The following SLC2A14 variants were observed in gnomAD, a reference collection of about 807,000 sequenced individuals.
SLC2A14 encodes the protein solute carrier family 2, facilitated glucose transporter member 14.
In SLC2A14, 13 loss-of-function variants were observed where a neutral mutation model predicts 43.0. The ratio of observed to expected loss-of-function variants is 0.30; its 90% CI spans 0.20 to 0.48. The LOEUF (loss-of-function observed/expected upper bound fraction) is 0.48, where lower values mean the gene tolerates loss of function less well. Among genes scored for constraint, SLC2A14 ranks in the 20% least tolerant of loss-of-function variants. SLC2A14 has a pLI of 0.99. For synonymous variants in SLC2A14, 190 were observed against 233.8 expected (o/e 0.81, Z 1.71); for missense variants, 428 against 620.4 (o/e 0.69, Z 3.29).
intron 2 of SLC2A14, among the ~76,000 whole-genome samples, chr12:7,858,300 A>G (rs1267381494): frequency 6.6e-6 from 1 of 152,004 alleles, no homozygotes; most frequent in Non-Finnish European, 1.5e-5. Context: ...TTACTCAACC[A>G]CTCAACATCT....
intron 2 of SLC2A14, among the ~76,000 whole-genome samples, chr12:7,833,187 T>A (rs1865174655): frequency 6.6e-6 from 1 of 152,190 alleles, no homozygotes; most frequent in Admixed American, 6.5e-5. Flanking sequence ...GTAGGATTAC[T>A]AAGAATTGAT....
chr12:7,823,074 G>GGCACT (rs1402684471), intron 7 of SLC2A14, among the ~76,000 whole-genome samples: 1 of 152,088 alleles, frequency 6.6e-6, no homozygotes, highest in Non-Finnish European at 1.5e-5. Context: ...TTATTTACTA[G>GGCACT]GCACTGCGCT....
Position 7,884,544 on chromosome 12 carries a change from C to T in SLC2A14, c.132+6452G>A, listed in dbSNP as rs191337126. Among the ~76,000 whole-genome samples, 313 of 152,192 alleles carry T rather than the reference C, an allele frequency of 2.1e-3. 3 individuals carry two copies. Among genetic ancestry groups the T allele is most frequent in the Middle Eastern group, 6.8e-3 (2 of 292 alleles). On this transcript the variant is annotated intron_variant, in intron 1 of 9. Transcript: ENST00000539924. ...TCACTATTTGGTTGCTGTATTATTA[C>T]GGTCAACAGCTTCATTTTATCCCAC...
chr12:7,865,993 G>T (rs1944885363), intron 2 of SLC2A14, among the ~76,000 whole-genome samples: 1 of 152,030 alleles, frequency 6.6e-6, no homozygotes, highest in Middle Eastern at 3.2e-3. Flanking sequence ...GAGGCGGGTG[G>T]ATCATCTGAG....
intron 10 of SLC2A14, among the ~76,000 whole-genome samples, chr12:7,815,503 C>G (rs1171710961): frequency 6.6e-6 from 1 of 152,156 alleles, no homozygotes; most frequent in Non-Finnish European, 1.5e-5. Flanking sequence ...TGTTGAAAAT[C>G]TGGTTTATAG....
chr12:7,831,373 A>G, intron 4 of SLC2A14: 1 of 545,158 alleles, frequency 1.8e-6, no homozygotes, highest in Non-Finnish European at 3.2e-6. Flanking sequence ...TGGACTGCAA[A>G]GGCCAATCAC....
At chr12:7,872,737 G>C (rs879660756) in intron 1 of SLC2A14, 70 bp downstream of exon 1, 41 of 980,284 alleles carry the variant, frequency 4.2e-5, no homozygotes, top group Non-Finnish European at 4.8e-5. Flanking sequence ...CTCTAGCTCG[G>C]CCACCTCTAC....
chr12:7,857,436 A>T (rs996729821), intron 2 of SLC2A14, among the ~76,000 whole-genome samples: 1 of 152,014 alleles, frequency 6.6e-6, no homozygotes, highest in East Asian at 1.9e-4. Context: ...TAAAAATACA[A>T]AATTACCCGA....
intron 1 of SLC2A14, 125 bp from the exon 2 acceptor site, chr12:7,870,062 A>C (rs1175140956): frequency 1.9e-6 from 1 of 527,542 alleles, no homozygotes; most frequent in African/African-American, 1.9e-5. Context: ...GAAAAGTGAA[A>C]ATTTATATAA....
intron 2 of SLC2A14, among the ~76,000 whole-genome samples, chr12:7,836,713 G>A (rs1220690283): frequency 2.6e-5 from 4 of 152,196 alleles, no homozygotes; most frequent in African/African-American, 9.6e-5. Context: ...GCACACGCCT[G>A]TAATCCCAGC....
Position 7,821,196 on chromosome 12 carries a change from A to C in SLC2A14, c.969+25T>G, listed in dbSNP as rs752938795. ...GTAGCAAGGATTCATTTCTCCCCCC[A>C]AAATTATCAAACCATCCAACTTACA... On this transcript the variant is annotated intron_variant, in intron 8 of 10. Transcript: ENST00000431042. The C allele has an allele frequency of 1.1e-5, 17 of 1,585,552 alleles. No homozygotes were observed. In the African/African-American group the frequency reaches 1.7e-4, roughly 16 times the overall value.
chr12:7,821,268 C>T lies in SLC2A14; in HGVS notation c.922G>A (p.Ala308Thr). ...KDAGVQQPIYATISAGVVNTI... is the reference protein window; with the variant it reads ...KDAGVQQPIYTTISAGVVNTI... The stretch of plus-strand genomic sequence containing the variant: ...TTAACCACACCCGCGCTGATGGTGG[C>T]ATAGATGGGCTGTTGAACACCTGCA... Residue 308 changes from alanine to threonine, a missense_variant, in exon 8 of 11, where the codon GCC becomes ACC. This residue lies in a region of SLC2A14 where 185 missense variants were observed against 275.4 expected (regional missense o/e 0.67). Transcript: ENST00000431042. 1 of 1,613,938 alleles carries T rather than the reference C, an allele frequency of 6.2e-7. No individual in the cohort carries two copies. The highest frequency in any genetic ancestry group is 8.5e-7 in the Non-Finnish European group (1 of 1,179,926).
intron 10 of SLC2A14, among the ~76,000 whole-genome samples, chr12:7,815,178 AG>A (rs1330855443): frequency 6.6e-6 from 1 of 151,188 alleles, no homozygotes; most frequent in African/African-American, 2.4e-5. Flanking sequence ...TTAGAGGCTG[AG>A]GCAGGTGGAT....
chr12:7,878,534 C>T (rs1945504143), intron 1 of SLC2A14, among the ~76,000 whole-genome samples: 1 of 151,824 alleles, frequency 6.6e-6, no homozygotes, highest in Non-Finnish European at 1.5e-5. Flanking sequence ...GCTGGGATTA[C>T]AGGCATGAGC....
chr12:7,874,585 T>C (rs1012120289), upstream of SLC2A14, among the ~76,000 whole-genome samples: 6 of 150,652 alleles, frequency 4.0e-5, no homozygotes, highest in African/African-American at 1.5e-4. Flanking sequence ...GGCAGGAAAA[T>C]TGCTTGAACC....
intron 2 of SLC2A14, among the ~76,000 whole-genome samples, chr12:7,843,042 A>G (rs1246698010): frequency 2.0e-5 from 3 of 152,032 alleles, no homozygotes; most frequent in African/African-American, 7.2e-5. Flanking sequence ...AAATGTTTTA[A>G]TATAGGCATG....
rs1945213798 is a variant in SLC2A14, at chr12:7,871,217, A to G, written c.-57-1280T>C. 10 of 1,250,320 alleles carry G rather than the reference A, an allele frequency of 8.0e-6. 1 individual carries two copies. In the South Asian group the frequency reaches 1.6e-4, roughly 20 times the overall value. 77.5% of individuals were successfully genotyped at this position (1,250,320 alleles called of 1,614,324 possible). A position where few individuals can be genotyped will look rare whatever the true frequency, so the allele number is the denominator to read the frequency against. Reference sequence around the variant, plus strand: ...GAATCCTCAGGTTTCATTCATGAGGACCACCTCCAGGAGCTGCTCACCACC... The same window carrying G: ...GAATCCTCAGGTTTCATTCATGAGGGCCACCTCCAGGAGCTGCTCACCACC... On this transcript the variant is annotated intron_variant, in intron 1 of 10. Coordinates refer to ENST00000431042, the MANE Select transcript of SLC2A14 (RefSeq NM_001286234.2).
chr12:7,821,412 G>A, intron 7 of SLC2A14, 87 bp from the exon 8 acceptor site: 2 of 1,200,884 alleles, frequency 1.7e-6, no homozygotes, highest in Non-Finnish European at 2.4e-6. Context: ...GCTGAGCGTG[G>A]TTGCACAGGC....
At chr12:7,879,316 A>AAACC (rs1945524066) in intron 1 of SLC2A14, among the ~76,000 whole-genome samples, 4 of 110,030 alleles carry the variant, frequency 3.6e-5, no homozygotes, top group East Asian at 3.0e-4. Flanking sequence ...TCTGCAAAAA[A>AAACC]AAACAAACAA....
Sources: allele counts gnomAD v4.1 joint callset (sites outside exome capture counted in the v4.1 genomes callset), GRCh38; gene constraint gnomAD v4.1.1; regional missense constraint gnomAD v4.1.1; transcripts MANE v1.5; gene names NCBI Gene and HGNC (gene_info 2026-07-23, HGNC 2026-07-21).